The following HOMEZ variants were observed in gnomAD, a reference collection of about 807,000 sequenced individuals.
The protein encoded by HOMEZ is homeobox and leucine zipper encoding.
A neutral mutation model predicts 50.1 loss-of-function variants in HOMEZ; 20 were observed. The observed-to-expected ratio is 0.40, with a 90% CI of 0.28 to 0.58. The LOEUF (loss-of-function observed/expected upper bound fraction) is 0.58, where lower values mean the gene tolerates loss of function less well. HOMEZ is among the 20% of genes least tolerant of loss of function. The pLI, the probability that HOMEZ is intolerant of heterozygous loss-of-function variation, is 0.46. For missense variants in HOMEZ, 579 were observed against 680.5 expected (o/e 0.85, Z 1.66); for synonymous variants, 239 against 254.7 (o/e 0.94, Z 0.59).
Position 23,274,048 on chromosome 14 carries a change from A to G in HOMEZ, c.*1527T>C, listed in dbSNP as rs1191973946. The G allele has an allele frequency of 6.6e-6, 1 of 152,636 alleles. No homozygotes were observed. Among genetic ancestry groups the G allele is most frequent in the Non-Finnish European group, 1.5e-5 (1 of 68,040 alleles). The allele number at this position is 152,636 out of a possible 1,614,324, so 9.5% of individuals were successfully genotyped here. On this transcript the variant is annotated 3_prime_UTR_variant, in exon 2 of 2. Coordinates refer to ENST00000357460, the MANE Select transcript of HOMEZ (RefSeq NM_020834.3). ...ATAGGAGTGGCAAAGTGGTTGAGAGAGAAACAATTTTATTTTTGGCCTTTT... is the reference window on the plus strand; with the variant it reads ...ATAGGAGTGGCAAAGTGGTTGAGAGGGAAACAATTTTATTTTTGGCCTTTT...
At chr14:23,282,259 G>T (rs1489087647) in intron 1 of HOMEZ, among the ~76,000 whole-genome samples, 3 of 152,080 alleles carry the variant, frequency 2.0e-5, no homozygotes, top group Non-Finnish European at 4.4e-5. Context: ...GGAAACCAGT[G>T]TATCTGTGAT....
intron 1 of HOMEZ, among the ~76,000 whole-genome samples, chr14:23,280,062 C>T (rs1886456931): frequency 6.6e-6 from 1 of 152,120 alleles, no homozygotes; most frequent in African/African-American, 2.4e-5. Context: ...GCCCAGCCCC[C>T]CTTTTTTCTT....
At chr14:23,277,441 G>A (rs1167198374) in intron 1 of HOMEZ, among the ~76,000 whole-genome samples, 1 of 152,182 alleles carries the variant, frequency 6.6e-6, no homozygotes, top group East Asian at 1.9e-4. Flanking sequence ...TGACTGGTGA[G>A]TGTTGTTCCA....
At chr14:23,284,276 C>T (rs953073290) in intron 1 of HOMEZ, among the ~76,000 whole-genome samples, 1 of 152,050 alleles carries the variant, frequency 6.6e-6, no homozygotes, top group African/African-American at 2.4e-5. Context: ...TGTGAATGAA[C>T]GTAAAGAGTT....
In HOMEZ at chr14:23,275,927, G is replaced by C. The variant is rs772801802; in HGVS notation, c.1301C>G (p.Ala434Gly). 6.2e-7 allele frequency: 1 copy of C among 1,608,064 alleles called. No individual in the cohort carries two copies. Among genetic ancestry groups the C allele is most frequent in the Non-Finnish European group, 8.5e-7 (1 of 1,176,652 alleles). Residue 434 changes from alanine to glycine, a missense_variant, in exon 2 of 2, where the codon GCA becomes GGA. Ala to Gly is a moderately conservative substitution (Grantham distance 60). Coordinates refer to ENST00000357460, the MANE Select transcript of HOMEZ (RefSeq NM_020834.3). ...GGTTGATGGTGGTGGTGTAGGAATT[G>C]CTGGGTCTTGGAAACTAGGGGCACC... is the stretch of plus-strand genomic sequence containing the variant. ...VPGAPSFQDPAIPTPPPSTRS... is the reference protein window; with the variant it reads ...VPGAPSFQDPGIPTPPPSTRS...
At chr14:23,277,295 G>T in intron 1 of HOMEZ, 108 bp from the exon 2 acceptor site, 1 of 1,014,926 alleles carries the variant, frequency 9.9e-7, no homozygotes, top group Non-Finnish European at 1.4e-6. Flanking sequence ...ATCTGTATTT[G>T]TATCATGTTG....
chr14:23,281,437 G>C (rs933153058), intron 1 of HOMEZ, among the ~76,000 whole-genome samples: 4 of 152,080 alleles, frequency 2.6e-5, no homozygotes, highest in Non-Finnish European at 4.4e-5. Context: ...GTGATCTCAG[G>C]CAAGTTACTT....
chr14:23,285,577 T>C (rs934147236), intron 1 of HOMEZ: 7 of 253,232 alleles, frequency 2.8e-5, no homozygotes, highest in Non-Finnish European at 4.5e-5. Context: ...GTTTCTCCTA[T>C]CCTCCATTTC....
intron 1 of HOMEZ, among the ~76,000 whole-genome samples, chr14:23,278,814 T>A (rs949022784): frequency 6.6e-6 from 1 of 152,160 alleles, no homozygotes; most frequent in East Asian, 1.9e-4. Flanking sequence ...TAGCTGGGAC[T>A]ACAGGCGTGT....
Position 23,272,661 on chromosome 14 carries a change from T to C in HOMEZ, c.*2914A>G. 1.6e-6 allele frequency: 1 copy of C among 639,034 alleles called. No homozygotes were observed. The highest frequency in any genetic ancestry group is 2.8e-5 in the East Asian group (1 of 35,742). 39.6% of individuals were successfully genotyped at this position (639,034 alleles called of 1,614,324 possible). A position where few individuals can be genotyped will look rare whatever the true frequency, so the allele number is the denominator to read the frequency against. On this transcript the variant is annotated 3_prime_UTR_variant, in exon 2 of 2. Coordinates refer to ENST00000357460, the MANE Select transcript of HOMEZ (RefSeq NM_020834.3). ...AGATTGTCACACTAGATGTAGCAAA[T>C]CCTAGTTTGGAAAAGTTAGTTATCA...
In HOMEZ at chr14:23,275,328, C is replaced by A; in HGVS notation, c.*247G>T. 1.9e-5 allele frequency: 10 copies of A among 519,890 alleles called. No homozygotes were observed. Among genetic ancestry groups the A allele is most frequent in the South Asian group, 1.2e-4 (4 of 33,220 alleles). 32.2% of individuals were successfully genotyped at this position (519,890 alleles called of 1,614,324 possible). On this transcript the variant is annotated 3_prime_UTR_variant, in exon 2 of 2. Transcript: ENST00000357460. ...TCCCAGCCCATGGTTTCCCCAGATCCTTAGCACTCCCTACCCTAAGGTTAG... is the reference window on the plus strand; with the variant it reads ...TCCCAGCCCATGGTTTCCCCAGATCATTAGCACTCCCTACCCTAAGGTTAG...
intron 1 of HOMEZ, among the ~76,000 whole-genome samples, chr14:23,280,682 ATATTTTATTTTTATTTTTATATTTTTAT>A (rs1886474510): frequency 7.6e-6 from 1 of 132,146 alleles, no homozygotes; most frequent in African/African-American, 2.7e-5. Context: ...CACATCTGTT[ATATTTTATTTTTATTTTTATATTTTTAT>A]TTTTATTTTA....
At chr14:23,281,930 G>A (rs981299836) in intron 1 of HOMEZ, among the ~76,000 whole-genome samples, 1 of 151,942 alleles carries the variant, frequency 6.6e-6, no homozygotes, top group Non-Finnish European at 1.5e-5. Flanking sequence ...GGAGGTGGAG[G>A]TTGCAGTGAG....
At position 23,273,125 on chromosome 14, in the gene HOMEZ, A is replaced by G. The variant is rs948168852; in HGVS notation, c.*2450T>C. On this transcript the variant is annotated 3_prime_UTR_variant, in exon 2 of 2. Transcript: ENST00000357460. ...GATGTTTATATCTCTTCCAGAAGAC[A>G]CTGGTAGCTCCCCTCATTTCCTACA... 2.7e-6 allele frequency: 1 copy of G among 365,900 alleles called. No homozygotes were observed. The highest frequency in any genetic ancestry group is 4.9e-6 in the Non-Finnish European group (1 of 203,668). The allele number at this position is 365,900 out of a possible 1,614,324, so 22.7% of individuals were successfully genotyped here.
chr14:23,276,474 T>C lies in HOMEZ; in HGVS notation c.754A>G (p.Thr252Ala), dbSNP rs1425625214. The change falls in exon 2 of 2, where the codon ACA becomes GCA. Residue 252 changes from threonine (T) to alanine (A), a missense_variant. Physicochemically the swap from Thr to Ala is moderately conservative, Grantham distance 58 (BLOSUM62 0). Transcript: ENST00000357460. This position sits in a 1 kb window ranked among gnomAD's most constrained non-coding sequence, Gnocchi z 4.1. ...GIGTASWNHSTTVPQPQARDK... is the reference protein window; with the variant it reads ...GIGTASWNHSATVPQPQARDK... ...CGAGCTTGTGGCTGGGGGACGGTTG[T>C]GGAGTGGTTCCAGGAAGCAGTACCT... 8.1e-6 allele frequency: 13 copies of C among 1,613,924 alleles called. No homozygotes were observed. Among genetic ancestry groups the C allele is most frequent in the Admixed American group, 6.7e-5 (4 of 60,006 alleles).
At position 23,276,377 on chromosome 14, in the gene HOMEZ, G is replaced by T. The variant is rs766506533; in HGVS notation, c.851C>A (p.Ser284Tyr). Residue 284 changes from serine to tyrosine, a missense_variant, in exon 2 of 2, where the codon TCT becomes TAT. Transcript: ENST00000357460. This position sits in a 1 kb window ranked among gnomAD's most constrained non-coding sequence, Gnocchi z 4.1. Reference protein sequence around the residue: ...KEESASSVTPSSSSTSSSFQV... With the variant: ...KEESASSVTPYSSSTSSSFQV... ...GAAAGAAGAAGAGGTAGAGGAAGAA[G>T]AGGGAGTAACACTAGATGCTGACTC... 1.2e-5 allele frequency: 19 copies of T among 1,613,924 alleles called. No homozygotes were observed. Among genetic ancestry groups the T allele is most frequent in the Admixed American group, 6.7e-5 (4 of 60,004 alleles).
At chr14:23,283,800 C>T (rs1370582111) in intron 1 of HOMEZ, among the ~76,000 whole-genome samples, 1 of 152,156 alleles carries the variant, frequency 6.6e-6, no homozygotes, top group Non-Finnish European at 1.5e-5. Context: ...AAGGCTGAGG[C>T]AAGAGAATCG....
rs902505418 is a variant in HOMEZ at position 23,277,090 on chromosome 14, T to C, written c.138A>G (p.Pro46=). The change falls in exon 2 of 2, where the codon CCA becomes CCG. Residue 46 remains proline (P), a synonymous_variant. Transcript: ENST00000357460. ...SSPAGLICLP[P]ISEELQLVWT... is the part of the protein sequence containing the mutation. ...ACACAAGCTGTAGCTCCTCAGAGAT[T>C]GGAGGGAGGCAGATGAGCCCCGCTG... is the stretch of plus-strand genomic sequence containing the variant. 6.2e-7 allele frequency: 1 copy of C among 1,614,016 alleles called. No individual in the cohort carries two copies. Among genetic ancestry groups the C allele is most frequent in the Non-Finnish European group, 8.5e-7 (1 of 1,179,896 alleles).
At chr14:23,281,907 T>C (rs1886566302) in intron 1 of HOMEZ, among the ~76,000 whole-genome samples, 1 of 151,640 alleles carries the variant, frequency 6.6e-6, no homozygotes, top group East Asian at 1.9e-4. Flanking sequence ...GGTGGGAGGA[T>C]TGCTTGAGCC....
Sources: gnomAD v4.1 joint callset for allele counts (sites outside exome capture counted in the v4.1 genomes callset) on GRCh38, gnomAD v4.1.1 for gene constraint, Gnocchi (gnomAD v3.1) non-coding constraint, MANE v1.5 for transcripts, NCBI Gene and HGNC (gene_info 2026-07-23, HGNC 2026-07-21) for gene names.